Variants in PDE1C observed in about 807,000 individuals in gnomAD.
PDE1C encodes the protein dual specificity calcium/calmodulin-dependent 3',5'-cyclic nucleotide phosphodiesterase 1C.
A neutral mutation model predicts 93.1 loss-of-function variants in PDE1C; 62 were observed. The ratio of observed to expected loss-of-function variants is 0.67; its 90% confidence interval spans 0.54 to 0.82. The LOEUF is 0.82. Among genes scored for constraint, PDE1C ranks in the 40% least tolerant of loss-of-function variants. PDE1C has a pLI of 0.00. For synonymous variants in PDE1C, 325 were observed against 310.1 expected (o/e 1.05, Z -0.50); for missense variants, 742 against 884.6 (o/e 0.84, Z 2.04).
intron 2 of PDE1C, among the ~76,000 whole-genome samples, chr7:32,206,692 T>C (rs536533256): frequency 1.3e-5 from 2 of 152,318 alleles, no homozygotes; most frequent in South Asian, 4.1e-4. Flanking sequence ...GTGCCCACCA[T>C]GCAGTACCCA....
intron 15 of PDE1C, among the ~76,000 whole-genome samples, chr7:31,813,345 C>T (rs1324748254): frequency 6.6e-6 from 1 of 152,116 alleles, no homozygotes; most frequent in African/African-American, 2.4e-5. Flanking sequence ...CTAGAAGCAG[C>T]CTGCCAGGGT....
intron 1 of PDE1C, among the ~76,000 whole-genome samples, chr7:32,400,710 C>T (rs919136144): frequency 2.0e-5 from 3 of 152,184 alleles, no homozygotes; most frequent in African/African-American, 7.2e-5. Context: ...AGAATGGCCC[C>T]GACTGGACTT....
the PDE1C span, among the ~76,000 whole-genome samples, chr7:31,743,447 G>A: frequency 3.9e-5 from 6 of 152,036 alleles, 1 homozygote. Context: ...AGAGTCAATA[G>A]GAGTATAAGA....
intron 2 of PDE1C, among the ~76,000 whole-genome samples, chr7:32,022,091 C>G (rs1447448465): frequency 1.3e-5 from 2 of 151,242 alleles, no homozygotes; most frequent in Non-Finnish European, 2.9e-5. Flanking sequence ...GCCCCTATTA[C>G]AGTGTTTGGT....
chr7:32,157,268 A>C (rs930693960), intron 3 of PDE1C, among the ~76,000 whole-genome samples: 2 of 152,240 alleles, frequency 1.3e-5, no homozygotes, highest in Non-Finnish European at 2.9e-5. Context: ...CTAGTATTCG[A>C]TAGTACAATA....
intron 16 of PDE1C, chr7:31,783,658 A>G (rs544031551): frequency 6.6e-6 from 1 of 152,156 alleles, no homozygotes; most frequent in Non-Finnish European, 1.5e-5. Context: ...TTTACAATAA[A>G]CACATCATTA....
intron 3 of PDE1C, among the ~76,000 whole-genome samples, chr7:32,148,663 C>T (rs548551763): frequency 5.9e-5 from 9 of 152,232 alleles, no homozygotes; most frequent in East Asian, 3.9e-4. Flanking sequence ...TTCTGGACAA[C>T]GCCACTATAT....
At chr7:32,360,516 G>T (rs376763264) in intron 1 of PDE1C, among the ~76,000 whole-genome samples, 1 of 152,168 alleles carries the variant, frequency 6.6e-6, no homozygotes, top group Non-Finnish European at 1.5e-5. Flanking sequence ...TCTGGTTCTT[G>T]TCCATTCAGA....
intron 1 of PDE1C, among the ~76,000 whole-genome samples, chr7:32,306,876 A>G (rs1482340618): frequency 1.3e-5 from 2 of 152,180 alleles, no homozygotes; most frequent in Non-Finnish European, 2.9e-5. Flanking sequence ...AAAGCAACCA[A>G]TAAAGCTACC....
intron 2 of PDE1C, among the ~76,000 whole-genome samples, chr7:32,015,542 C>A (rs997697071): frequency 2.6e-5 from 4 of 152,110 alleles, no homozygotes; most frequent in African/African-American, 9.7e-5. Flanking sequence ...CCCCACCCAC[C>A]ACCAACGTCT....
intron 1 of PDE1C, among the ~76,000 whole-genome samples, chr7:32,412,049 G>A (rs1785181404): frequency 6.6e-6 from 1 of 152,090 alleles, no homozygotes; most frequent in Admixed American, 6.6e-5. Context: ...ACCTCCTATG[G>A]TAGCAATGCC....
intron 16 of PDE1C, among the ~76,000 whole-genome samples, chr7:31,796,393 A>G: frequency 6.6e-6 from 1 of 151,694 alleles, no homozygotes; most frequent in East Asian, 1.9e-4. Context: ...CTGCAAGAAG[A>G]CAATGGTAGT....
intron 2 of PDE1C, among the ~76,000 whole-genome samples, chr7:31,912,708 T>TA (rs1583928777): frequency 6.6e-6 from 1 of 151,834 alleles, no homozygotes; most frequent in African/African-American, 2.4e-5. Context: ...ATATATAAAA[T>TA]AAAAAATTAT....
At chr7:31,993,761 A>T (rs997181400) in intron 2 of PDE1C, among the ~76,000 whole-genome samples, 41 of 152,210 alleles carry the variant, frequency 2.7e-4, no homozygotes, top group African/African-American at 9.6e-4. Flanking sequence ...GCTAAAACTT[A>T]TCCTCACTTT....
At chr7:31,959,541 T>G (rs1376500158) in intron 2 of PDE1C, among the ~76,000 whole-genome samples, 1 of 152,132 alleles carries the variant, frequency 6.6e-6, no homozygotes, top group African/African-American at 2.4e-5. Flanking sequence ...ATGCTAACAA[T>G]AATTATAAAG....
the PDE1C span, chr7:31,642,907 G>T: frequency 6.2e-7 from 1 of 1,614,010 alleles, no homozygotes; most frequent in East Asian, 2.2e-5. Context: ...GGCCATGGAG[G>T]GGCCACCAGA....
intron 3 of PDE1C, among the ~76,000 whole-genome samples, chr7:32,145,187 G>A (rs2128783749): frequency 6.6e-6 from 1 of 152,282 alleles, no homozygotes; most frequent in African/African-American, 2.4e-5. Context: ...GATTCTAAAG[G>A]CAGAAAGGTC....
intron 3 of PDE1C, among the ~76,000 whole-genome samples, chr7:32,136,251 T>C (rs1394492279): frequency 1.3e-5 from 2 of 152,194 alleles, no homozygotes; most frequent in Non-Finnish European, 2.9e-5. Context: ...CATTGCACAG[T>C]GTATACATAT....
At chr7:32,112,073 A>AAC (rs1396389906) in intron 3 of PDE1C, among the ~76,000 whole-genome samples, 1 of 152,176 alleles carries the variant, frequency 6.6e-6, no homozygotes, top group Non-Finnish European at 1.5e-5. Flanking sequence ...AAACTTTCTA[A>AAC]ACACACTGAG....
Sources: gnomAD v4.1 joint callset for allele counts (sites outside exome capture counted in the v4.1 genomes callset) on GRCh38, gnomAD v4.1.1 for gene constraint, MANE v1.5 for transcripts, NCBI Gene and HGNC (gene_info 2026-07-23, HGNC 2026-07-21) for gene names.